Variants in KCNT2 observed in about 807,000 individuals in gnomAD.
KCNT2 encodes potassium sodium-activated channel subfamily T member 2.
In KCNT2, 67 loss-of-function variants were observed where a neutral mutation model predicts 153.8. The observed-to-expected ratio is 0.44, with a 90% confidence interval of 0.36 to 0.53. KCNT2 has a LOEUF of 0.53. KCNT2 is among the 20% of genes least tolerant of loss of function. KCNT2 has a pLI of 0.00. For missense variants in KCNT2, 975 were observed against 1,354.8 expected, an observed-to-expected ratio of 0.72 and a Z score of 4.40; for synonymous variants, 500 against 458.8, an observed-to-expected ratio of 1.09 and a Z score of -1.15.
intron 7 of KCNT2, 56 bp from the exon 8 acceptor site, chr1:196,465,443 GT>G (rs757586251): frequency 3.3e-6 from 3 of 921,312 alleles, no homozygotes; most frequent in Non-Finnish European, 5.4e-6. Flanking sequence ...ATATGCATGA[GT>G]TTCATTACAT....
chr1:196,379,878 AG>A (rs1203081915), intron 13 of KCNT2, among the ~76,000 whole-genome samples: 5 of 152,156 alleles, frequency 3.3e-5, no homozygotes, highest in African/African-American at 1.2e-4. Context: ...GAATTGTCTG[AG>A]GAAAAAAATA....
At chr1:196,480,775 G>C (rs1465727394) in intron 4 of KCNT2, among the ~76,000 whole-genome samples, 2 of 136,546 alleles carry the variant, frequency 1.5e-5, no homozygotes, top group Admixed American at 1.7e-4. Context: ...AGAATGGCGT[G>C]AACCCAGGAG....
chr1:196,527,228 C>T lies in KCNT2; in HGVS notation c.96-34887G>A, dbSNP rs1201153935. ...TCTTCTTGTAGAAGAAGCAAAAGAG[C>T]GTTTGAAATGGCAAGTTATCTCTTT... On this transcript the variant is annotated intron_variant, in intron 1 of 27. Coordinates refer to ENST00000294725, the MANE Select transcript of KCNT2 (RefSeq NM_198503.5). Among the ~76,000 whole-genome samples, 6 of 152,166 alleles carry T rather than the reference C, an allele frequency of 3.9e-5. No individual in the cohort carries two copies. The East Asian group carries it at 5.8e-4, about 15-fold the overall frequency.
At chr1:196,375,810 T>A (rs1368698138) in intron 13 of KCNT2, among the ~76,000 whole-genome samples, 1 of 151,816 alleles carries the variant, frequency 6.6e-6, no homozygotes, top group Non-Finnish European at 1.5e-5. Context: ...AGTTAATATA[T>A]AATTATCATG....
chr1:196,568,024 G>T (rs1026710405), intron 1 of KCNT2, among the ~76,000 whole-genome samples: 3 of 152,094 alleles, frequency 2.0e-5, no homozygotes, highest in Admixed American at 6.5e-5. Flanking sequence ...CCTAAGACTT[G>T]ATCTCAACTG....
chr1:196,447,523 A>G (rs933607775), intron 8 of KCNT2, among the ~76,000 whole-genome samples: 15 of 151,684 alleles, frequency 9.9e-5, no homozygotes, highest in African/African-American at 3.6e-4. Flanking sequence ...TAAGCATTAT[A>G]AGGGAGCAAT....
At chr1:196,546,516 T>C (rs1472144385) in intron 1 of KCNT2, among the ~76,000 whole-genome samples, 10 of 152,046 alleles carry the variant, frequency 6.6e-5, no homozygotes, top group Non-Finnish European at 1.3e-4. Flanking sequence ...CCTCTGCTTA[T>C]ACCCTGTGGC....
intron 22 of KCNT2, among the ~76,000 whole-genome samples, chr1:196,302,713 T>C (rs1197551334): frequency 2.0e-5 from 3 of 151,878 alleles, no homozygotes; most frequent in Non-Finnish European, 2.9e-5. Context: ...TCTGTAAGAG[T>C]TAGGACCCCA....
At chr1:196,438,956 T>A (rs1051754134) in intron 8 of KCNT2, among the ~76,000 whole-genome samples, 3 of 151,928 alleles carry the variant, frequency 2.0e-5, no homozygotes, top group Admixed American at 6.6e-5. Context: ...GGATATTTAA[T>A]TTTAAATGAC....
chr1:196,407,071 T>C (rs1671888030), intron 12 of KCNT2, among the ~76,000 whole-genome samples: 1 of 151,428 alleles, frequency 6.6e-6, no homozygotes, highest in East Asian at 2.0e-4. Context: ...GAGTAATTCA[T>C]CCAGAACGGT....
intron 5 of KCNT2, among the ~76,000 whole-genome samples, chr1:196,478,742 CAG>C (rs916673506): frequency 3.3e-5 from 5 of 152,102 alleles, no homozygotes; most frequent in African/African-American, 1.2e-4. Flanking sequence ...ATGTGAACTA[CAG>C]AGCTCTCCAT....
intron 12 of KCNT2, among the ~76,000 whole-genome samples, chr1:196,416,044 G>C (rs1672728111): frequency 6.6e-6 from 1 of 151,952 alleles, no homozygotes; most frequent in African/African-American, 2.4e-5. Context: ...ATTCTAAGTA[G>C]CATAAAATCT....
rs1347677838 is a variant in KCNT2, at chr1:196,398,496, C to T, written c.1294+67G>A. On this transcript the variant is annotated intron_variant, in intron 13 of 27. Transcript: ENST00000294725. ...TTTAAGTTGCCACTTAGTTCAGAGA[C>T]TTAACCCTTAAGCCACTATAGGAGT... 6.3e-6 allele frequency: 5 copies of T among 789,566 alleles called. No homozygotes were observed. In the African/African-American group the frequency reaches 8.7e-5, roughly 14 times the overall value. The allele number at this position is 789,566 out of a possible 1,614,324, so 48.9% of individuals were successfully genotyped here.
rs74136533 is a variant in KCNT2 at position 196,400,152 on chromosome 1, C to T, written c.1186-1481G>A. Among the ~76,000 whole-genome samples, 815 of 151,768 alleles carry T rather than the reference C, an allele frequency of 5.4e-3. 5 individuals carry two copies. The highest frequency in any genetic ancestry group is 0.019 in the African/African-American group (783 of 41,470). On this transcript the variant is annotated intron_variant, in intron 12 of 27. Coordinates refer to ENST00000294725, the MANE Select transcript of KCNT2 (RefSeq NM_198503.5). ...GCCCAATAATTCTACTAAGATTCAT[C>T]AAGTGAATACTTGTTAATCAATTTT...
chr1:196,528,574 C>A lies in KCNT2; in HGVS notation c.96-36233G>T, dbSNP rs147056495. 4.2e-4 allele frequency among the ~76,000 whole-genome samples: 64 copies of A among 151,410 alleles called. 1 individual carries two copies. The East Asian group carries it at 0.012, about 27-fold the overall frequency. On this transcript the variant is annotated intron_variant, in intron 1 of 27. Transcript: ENST00000294725. ...TGAAATAAATCTTTACTCATGGGTT[C>A]GTACCCATTTACTTTAGCATGGTCC...
In KCNT2 at chr1:196,608,321, G is replaced by GA; in HGVS notation, c.-13dup. On this transcript the variant is annotated 5_prime_UTR_variant, in exon 1 of 28. It removes the in-frame stop codon of an upstream open reading frame in the 5' UTR. Coordinates refer to ENST00000294725, the MANE Select transcript of KCNT2 (RefSeq NM_198503.5). Reference sequence around the variant, plus strand: ...TCCAAATCAACCATCCTTCCTCAAAGAGTGGGAAACATCAAACAACAAATG... The same window carrying GA: ...TCCAAATCAACCATCCTTCCTCAAAGAAGTGGGAAACATCAAACAACAAATG... 1 of 1,603,612 alleles carries GA rather than the reference G, an allele frequency of 6.2e-7. No individual in the cohort carries two copies. Among genetic ancestry groups the GA allele is most frequent in the Non-Finnish European group, 8.5e-7 (1 of 1,170,426 alleles).
chr1:196,334,208 T>C, intron 16 of KCNT2, 148 bp from the exon 17 acceptor site: 1 of 580,374 alleles, frequency 1.7e-6, no homozygotes, highest in South Asian at 2.4e-5. Context: ...ATAAGTTTAG[T>C]TCTGATAGCT....
intron 25 of KCNT2, among the ~76,000 whole-genome samples, chr1:196,279,116 G>C (rs1318151050): frequency 6.6e-6 from 1 of 152,148 alleles, no homozygotes; most frequent in Non-Finnish European, 1.5e-5. Context: ...AAGCCACCCA[G>C]TCCATGGTAT....
At chr1:196,255,552 T>G (rs905410705) in intron 26 of KCNT2, among the ~76,000 whole-genome samples, 13 of 151,856 alleles carry the variant, frequency 8.6e-5, no homozygotes, top group Non-Finnish European at 1.9e-4. Flanking sequence ...AAAATATTAC[T>G]GAGCATATAA....
Sources: gnomAD v4.1 joint callset for allele counts (sites outside exome capture counted in the v4.1 genomes callset) on GRCh38, gnomAD v4.1.1 for gene constraint, MANE v1.5 for transcripts, NCBI Gene and HGNC (gene_info 2026-07-23, HGNC 2026-07-21) for gene names.